ZNF385D: variants seen among roughly 807,000 people sequenced by gnomAD.
ZNF385D encodes the protein zinc finger protein 659.
ZNF385D carries 15 observed loss-of-function variants against 35.8 expected under a neutral mutation model. That is an observed-to-expected ratio of 0.42 (90% CI 0.28 to 0.64). The LOEUF (loss-of-function observed/expected upper bound fraction) is 0.64, where lower values mean the gene tolerates loss of function less well. ZNF385D is among the 30% of genes least tolerant of loss of function. The pLI is 0.23. For synonymous variants in ZNF385D, 212 were observed against 186.8 expected (o/e 1.13, Z -1.10); for missense variants, 474 against 494.6 (o/e 0.96, Z 0.39).
At chr3:21,589,120 G>C (rs1274101217) in intron 2 of ZNF385D, among the ~76,000 whole-genome samples, 1 of 152,070 alleles carries the variant, frequency 6.6e-6, no homozygotes, top group Non-Finnish European at 1.5e-5. Context: ...TAAGGGATGT[G>C]GTATTGCAAA....
chr3:21,425,353 C>T, intron 6 of ZNF385D, 139 bp downstream of exon 6: 1 of 791,078 alleles, frequency 1.3e-6, no homozygotes. Flanking sequence ...AGTGGGTTAA[C>T]AGATGGGCAG....
chr3:21,928,293 G>A (rs1700838689), intron 3 of ZNF385D, among the ~76,000 whole-genome samples: 1 of 147,676 alleles, frequency 6.8e-6, no homozygotes, highest in South Asian at 2.2e-4. Flanking sequence ...AAGGAAGGAA[G>A]GAGGGAGGAA....
chr3:21,603,691 C>G (rs1553621811), intron 2 of ZNF385D, among the ~76,000 whole-genome samples: 1 of 151,844 alleles, frequency 6.6e-6, no homozygotes, highest in South Asian at 2.1e-4. Flanking sequence ...GAAAGTATAA[C>G]AAAAAAAGTA....
At chr3:22,131,284 T>C (rs1322520953) in intron 3 of ZNF385D, among the ~76,000 whole-genome samples, 1 of 151,960 alleles carries the variant, frequency 6.6e-6, no homozygotes. Context: ...GACCTTTGGA[T>C]TTAGCAGCAT....
chr3:22,174,811 G>C (rs1275620982), intron 2 of ZNF385D, among the ~76,000 whole-genome samples: 1 of 152,076 alleles, frequency 6.6e-6, no homozygotes, highest in Non-Finnish European at 1.5e-5. Context: ...AGTTTATTTG[G>C]TAAGCAGCTT....
intron 2 of ZNF385D, among the ~76,000 whole-genome samples, chr3:21,615,816 G>GTGTGTGTGTGT (rs1375406249): frequency 4.0e-5 from 6 of 151,314 alleles, no homozygotes; most frequent in African/African-American, 1.5e-4. Flanking sequence ...GTGTGTGTGT[G>GTGTGTGTGTGT]TTTACTGGTT....
chr3:21,824,678 G>A (rs953840976), intron 3 of ZNF385D, among the ~76,000 whole-genome samples: 19 of 151,934 alleles, frequency 1.3e-4, no homozygotes, highest in Non-Finnish European at 2.4e-4. Context: ...TAGAAACTAA[G>A]TAGGAAATGA....
intron 2 of ZNF385D, among the ~76,000 whole-genome samples, chr3:22,314,503 T>A (rs551196558): frequency 3.6e-4 from 53 of 148,690 alleles, no homozygotes; most frequent in African/African-American, 1.3e-3. Context: ...TATGCCACAG[T>A]TTATTTGTCT....
At chr3:21,608,012 C>CTTCTTTTTTTTTTTTTTTTTTT (rs2064536095) in intron 2 of ZNF385D, among the ~76,000 whole-genome samples, 9 of 123,952 alleles carry the variant, frequency 7.3e-5, no homozygotes, top group African/African-American at 2.2e-4. Context: ...TCTTTTTCTT[C>CTTCTTTTTTTTTTTTTTTTTTT]TTTTTTTTTT....
At chr3:22,186,466 A>T (rs2125787407) in intron 2 of ZNF385D, among the ~76,000 whole-genome samples, 1 of 152,328 alleles carries the variant, frequency 6.6e-6, no homozygotes. Flanking sequence ...AAACTTGGCT[A>T]GTGGCATGAC....
At chr3:22,324,240 T>C (rs1159286158) in intron 2 of ZNF385D, among the ~76,000 whole-genome samples, 2 of 152,186 alleles carry the variant, frequency 1.3e-5, no homozygotes, top group African/African-American at 2.4e-5. Flanking sequence ...CAGCACATTA[T>C]AATATTGATA....
At chr3:21,912,587 A>T (rs1479970) in intron 3 of ZNF385D, among the ~76,000 whole-genome samples, 5,725 of 152,152 alleles carry the variant, frequency 0.038, 649 homozygotes, top group Admixed American at 0.22. Context: ...AGTGCATGCA[A>T]GTCAGGAGAC....
intron 3 of ZNF385D, among the ~76,000 whole-genome samples, chr3:21,969,315 T>G (rs1433925610): frequency 6.6e-6 from 1 of 151,844 alleles, no homozygotes; most frequent in African/African-American, 2.4e-5. Context: ...GGTAATTGAG[T>G]CATGGGGGCA....
intron 3 of ZNF385D, among the ~76,000 whole-genome samples, chr3:21,547,267 T>G (rs1248818975): frequency 6.6e-6 from 1 of 152,156 alleles, no homozygotes; most frequent in Non-Finnish European, 1.5e-5. Context: ...AAGCCCAACC[T>G]GCCAGCAAAA....
At chr3:21,941,095 T>C (rs1701493491) in intron 3 of ZNF385D, among the ~76,000 whole-genome samples, 1 of 152,210 alleles carries the variant, frequency 6.6e-6, no homozygotes, top group Non-Finnish European at 1.5e-5. Flanking sequence ...ATTTAACACC[T>C]ACTTTGTATT....
intron 3 of ZNF385D, among the ~76,000 whole-genome samples, chr3:21,965,350 A>T (rs1702855169): frequency 6.6e-6 from 1 of 152,214 alleles, no homozygotes; most frequent in Non-Finnish European, 1.5e-5. Flanking sequence ...CTGTGTACCC[A>T]GGCACAGTAC....
At chr3:21,513,786 T>C (rs6788278) in intron 3 of ZNF385D, among the ~76,000 whole-genome samples, 2,107 of 152,264 alleles carry the variant, frequency 0.014, 49 homozygotes, top group African/African-American at 0.048. Context: ...ATAGAATTTA[T>C]TGGACAGTTC....
chr3:22,094,586 G>A (rs1031551264), intron 3 of ZNF385D, among the ~76,000 whole-genome samples: 6 of 151,722 alleles, frequency 4.0e-5, no homozygotes, highest in African/African-American at 1.5e-4. Flanking sequence ...AATATGAAGG[G>A]CCTGGAACTA....
chr3:22,161,254 A>T (rs1374749966), intron 3 of ZNF385D, among the ~76,000 whole-genome samples: 1 of 152,088 alleles, frequency 6.6e-6, no homozygotes, highest in Non-Finnish European at 1.5e-5. Context: ...TAATGCTTGT[A>T]AAACTGTACA....
Sources: gnomAD v4.1 joint callset for allele counts (sites outside exome capture counted in the v4.1 genomes callset) on GRCh38, gnomAD v4.1.1 for gene constraint, MANE v1.5 for transcripts, NCBI Gene and HGNC (gene_info 2026-07-23, HGNC 2026-07-21) for gene names.